Variants in FREM2 observed in about 807,000 individuals in gnomAD.
FREM2 encodes FRAS1-related extracellular matrix protein 2.
Under a neutral mutation model 219.9 loss-of-function variants are expected in FREM2, and 119 were observed. That is an observed-to-expected ratio of 0.54 (90% CI 0.47 to 0.63). The LOEUF (loss-of-function observed/expected upper bound fraction) is 0.63, where lower values mean the gene tolerates loss of function less well. Among genes scored for constraint, FREM2 ranks in the 30% least tolerant of loss-of-function variants. The probability of loss-of-function intolerance (pLI) is 0.00; values close to 1 mark genes in which losing one functional copy is unlikely to be tolerated. For synonymous variants in FREM2, 1,562 were observed against 1,522.8 expected (o/e 1.03, Z -0.60); for missense variants, 4,030 against 3,993.6 (o/e 1.01, Z -0.25).
chr13:38,864,691 C>T (rs1168300865), intron 16 of FREM2, 85 bp downstream of exon 16: 4 of 1,172,972 alleles, frequency 3.4e-6, no homozygotes, highest in Middle Eastern at 2.2e-4. Context: ...AGTCCCAACT[C>T]CAGTTTTCCA....
chr13:38,786,647 G>A (rs971290229), intron 6 of FREM2, among the ~76,000 whole-genome samples: 13 of 151,990 alleles, frequency 8.6e-5, no homozygotes, highest in African/African-American at 3.1e-4. Context: ...AAAAGAAAAT[G>A]TAATTCATGT....
intron 4 of FREM2, among the ~76,000 whole-genome samples, chr13:38,778,953 A>G: frequency 6.6e-6 from 1 of 152,188 alleles, no homozygotes; most frequent in East Asian, 1.9e-4. Flanking sequence ...TGAATATTTG[A>G]CTTGAATTTT....
At chr13:38,724,542 G>A (rs1430372326) in intron 2 of FREM2, among the ~76,000 whole-genome samples, 1 of 152,068 alleles carries the variant, frequency 6.6e-6, no homozygotes, top group African/African-American at 2.4e-5. Context: ...AAATTATCTT[G>A]GTAATAGTAG....
At chr13:38,849,242 C>T (rs543460494) in intron 8 of FREM2, among the ~76,000 whole-genome samples, 1 of 152,122 alleles carries the variant, frequency 6.6e-6, no homozygotes, top group South Asian at 2.1e-4. Flanking sequence ...CAGAATAAAA[C>T]TTTTATTCTT....
At chr13:38,765,275 C>T (rs961091195) in intron 3 of FREM2, among the ~76,000 whole-genome samples, 1 of 152,254 alleles carries the variant, frequency 6.6e-6, no homozygotes, top group African/African-American at 2.4e-5. Context: ...TACTTTTAAG[C>T]AGCAATATGG....
At chr13:38,738,988 C>T (rs1872120462) in intron 2 of FREM2, among the ~76,000 whole-genome samples, 1 of 152,076 alleles carries the variant, frequency 6.6e-6, no homozygotes, top group Non-Finnish European at 1.5e-5. Flanking sequence ...GCCTAGTTTC[C>T]TGATTTCAAA....
chr13:38,704,946 C>A (rs114251095), intron 2 of FREM2, among the ~76,000 whole-genome samples: 9 of 152,084 alleles, frequency 5.9e-5, no homozygotes, highest in Non-Finnish European at 1.0e-4. Context: ...ATGGGGGAAC[C>A]GCCACCATGA....
Position 38,687,117 on chromosome 13 carries a change from A to G in FREM2, c.-228A>G. 1.7e-6 allele frequency: 1 copy of G among 595,730 alleles called. No individual in the cohort carries two copies. The highest frequency in any genetic ancestry group is 3.0e-6 in the Non-Finnish European group (1 of 337,468). The allele number at this position is 595,730 out of a possible 1,614,324, so 36.9% of individuals were successfully genotyped here. On this transcript the variant is annotated 5_prime_UTR_variant, in exon 1 of 24. Transcript: ENST00000280481. ...CAATTCTCCGCGCGATTGAGGCGCT[A>G]GCGGCGGAGCTGGACGGCCTGGGAA...
intron 17 of FREM2, among the ~76,000 whole-genome samples, chr13:38,874,233 A>G (rs967386381): frequency 1.3e-5 from 2 of 152,202 alleles, no homozygotes; most frequent in African/African-American, 4.8e-5. Context: ...AACTTGGTCT[A>G]TTGTAAGTAA....
At chr13:38,806,956 T>C (rs1006102170) in intron 6 of FREM2, among the ~76,000 whole-genome samples, 1 of 151,362 alleles carries the variant, frequency 6.6e-6, no homozygotes, top group South Asian at 2.1e-4. Context: ...CTTTCTTTCC[T>C]TATTCATTAG....
At chr13:38,708,122 A>G (rs553571953) in intron 2 of FREM2, among the ~76,000 whole-genome samples, 1 of 152,328 alleles carries the variant, frequency 6.6e-6, no homozygotes, top group African/African-American at 2.4e-5. Flanking sequence ...AGTAAGTGCT[A>G]TATTCATGTT....
intron 6 of FREM2, among the ~76,000 whole-genome samples, chr13:38,839,520 C>G (rs772586158): frequency 7.9e-5 from 12 of 152,212 alleles, no homozygotes; most frequent in Non-Finnish European, 1.5e-4. Context: ...CTCTTCAGAA[C>G]TGGCAGGCAG....
At chr13:38,696,788 C>T (rs1051363370) in intron 1 of FREM2, among the ~76,000 whole-genome samples, 1 of 151,052 alleles carries the variant, frequency 6.6e-6, no homozygotes, top group African/African-American at 2.4e-5. Flanking sequence ...ATATAACTTT[C>T]TGCCATGAAT....
chr13:38,870,900 G>C (rs1878135324), intron 16 of FREM2, among the ~76,000 whole-genome samples: 1 of 152,056 alleles, frequency 6.6e-6, no homozygotes, highest in South Asian at 2.1e-4. Flanking sequence ...CACCTATAAA[G>C]CTTAATTGGA....
At chr13:38,842,572 G>A (rs2137901807) in intron 6 of FREM2, among the ~76,000 whole-genome samples, 1 of 152,310 alleles carries the variant, frequency 6.6e-6, no homozygotes, top group South Asian at 2.1e-4. Context: ...AAAAAAGGCA[G>A]CATTAAAGCT....
rs775598605 is a variant in FREM2, at chr13:38,690,585, G to A, written c.3241G>A (p.Asp1081Asn). 2 of 1,614,086 alleles carry A rather than the reference G, an allele frequency of 1.2e-6. No homozygotes were observed. Among genetic ancestry groups the A allele is most frequent in the South Asian group, 1.1e-5 (1 of 91,086 alleles). Residue 1081 changes from aspartate (D) to asparagine (N), a missense_variant, in exon 1 of 24, where the codon GAT becomes AAT. Asp to Asn is a conservative substitution (Grantham distance 23, BLOSUM62 1). Transcript: ENST00000280481. ...VGEQLIVMEG[D>N]KSVITSVHIS... ...TGAACAGTTGATAGTAATGGAAGGT[G>A]ATAAAAGTGTTATAACATCAGTGCA...
chr13:38,717,598 G>T (rs1021958434), intron 2 of FREM2, among the ~76,000 whole-genome samples: 4 of 150,600 alleles, frequency 2.7e-5, no homozygotes, highest in Non-Finnish European at 5.9e-5. Flanking sequence ...TGTATTTTTA[G>T]TACAGACAGG....
chr13:38,847,424 T>G (rs759408558), intron 7 of FREM2, among the ~76,000 whole-genome samples: 4 of 152,182 alleles, frequency 2.6e-5, no homozygotes, highest in Non-Finnish European at 5.9e-5. Context: ...ATTTTAAAAG[T>G]CACCCTTAGG....
intron 6 of FREM2, among the ~76,000 whole-genome samples, chr13:38,822,366 T>TTTTTTTG (rs1566155057): frequency 1.4e-5 from 2 of 146,752 alleles, no homozygotes; most frequent in African/African-American, 2.6e-5. Flanking sequence ...TTTTTTTTTT[T>TTTTTTTG]TTTTTAAGAA....
Sources: allele counts gnomAD v4.1 joint callset (sites outside exome capture counted in the v4.1 genomes callset), GRCh38; gene constraint gnomAD v4.1.1; transcripts MANE v1.5; gene names NCBI Gene and HGNC (gene_info 2026-07-23, HGNC 2026-07-21).